Variants in USH1C observed in about 807,000 individuals in gnomAD.
USH1C encodes harmonin.
A neutral mutation model predicts 119.3 loss-of-function variants in USH1C; 90 were observed. The ratio of observed to expected loss-of-function variants is 0.75; its 90% confidence interval spans 0.64 to 0.90. The LOEUF (loss-of-function observed/expected upper bound fraction) is 0.90. Among genes scored for constraint, USH1C ranks in the 40% least tolerant of loss-of-function variants. The probability of loss-of-function intolerance (pLI) is 0.00; values close to 1 mark genes in which losing one functional copy is unlikely to be tolerated. For missense variants in USH1C, 1,165 were observed against 1,167.7 expected (o/e 1.00, Z 0.03); for synonymous variants, 465 against 443.3 (o/e 1.05, Z -0.62).
intron 22 of USH1C, 134 bp from the exon 23 acceptor site, chr11:17,501,284 G>GA (rs1329191831): frequency 9.6e-7 from 1 of 1,040,066 alleles, no homozygotes; most frequent in Non-Finnish European, 1.5e-6. Flanking sequence ...GCCATCTGGA[G>GA]AAAACGCAGC....
chr11:17,539,369 G>T (rs1023631710), intron 1 of USH1C, among the ~76,000 whole-genome samples: 2 of 151,958 alleles, frequency 1.3e-5, no homozygotes, highest in Non-Finnish European at 2.9e-5. Context: ...TCCCCAACTG[G>T]GTCTGCTCCT....
intron 15 of USH1C, chr11:17,514,299 G>A (rs1313324216): frequency 6.6e-6 from 1 of 152,202 alleles, no homozygotes; most frequent in Non-Finnish European, 1.5e-5. Flanking sequence ...GCTCACTGCA[G>A]CCTCTGCCTC....
In USH1C at chr11:17,531,732, C is replaced by G. The variant is rs1413762379; in HGVS notation, c.105-190G>C. ...GACTTTGTTCTCTTATATAAATATC[C>G]CCAGGAAACCAGTCTACTAGGGATT... On this transcript the variant is annotated intron_variant, in intron 2 of 26. Transcript: ENST00000005226. This position sits in a 1 kb window ranked among gnomAD's most constrained non-coding sequence, Gnocchi z 4.2. 6.6e-6 allele frequency among the ~76,000 whole-genome samples: 1 copy of G among 152,150 alleles called. No homozygotes were observed. Among genetic ancestry groups the G allele is most frequent in the Non-Finnish European group, 1.5e-5 (1 of 68,022 alleles).
chr11:17,498,756 G>T (rs919248042), intron 23 of USH1C, among the ~76,000 whole-genome samples: 1 of 152,196 alleles, frequency 6.6e-6, no homozygotes, highest in Non-Finnish European at 1.5e-5. Flanking sequence ...CCGCTCAGTC[G>T]AATGTAGATC....
chr11:17,496,660 T>C, intron 25 of USH1C, 98 bp downstream of exon 25: 1 of 1,492,540 alleles, frequency 6.7e-7, no homozygotes, highest in South Asian at 1.2e-5. Flanking sequence ...GGGCCATTCC[T>C]TCAGGCTGGG....
chr11:17,525,113 T>C (rs1239559533), intron 8 of USH1C, among the ~76,000 whole-genome samples: 1 of 152,046 alleles, frequency 6.6e-6, no homozygotes, highest in Non-Finnish European at 1.5e-5. Context: ...CCTTCCTAGA[T>C]TGGTGGCAGA....
At chr11:17,508,246 G>T (rs1849726372) in intron 18 of USH1C, among the ~76,000 whole-genome samples, 1 of 152,216 alleles carries the variant, frequency 6.6e-6, no homozygotes, top group African/African-American at 2.4e-5. Flanking sequence ...TGTCAAAGCT[G>T]CAGGGCTCAC....
At chr11:17,526,291 G>C (rs1850666309) in intron 8 of USH1C, 56 bp downstream of exon 8, 8 of 1,466,796 alleles carry the variant, frequency 5.5e-6, no homozygotes, top group African/African-American at 2.8e-5. Context: ...GAGGGCAATA[G>C]GGGCCTGCTG....
intron 21 of USH1C, among the ~76,000 whole-genome samples, 173 bp downstream of exon 21, chr11:17,501,766 C>T (rs1291969012): frequency 6.6e-6 from 1 of 152,120 alleles, no homozygotes; most frequent in African/African-American, 2.4e-5. Context: ...CACTGGAGTG[C>T]CCTTTGGAAG....
chr11:17,501,442 A>G, intron 22 of USH1C, 40 bp downstream of exon 22: 1 of 1,603,964 alleles, frequency 6.2e-7, no homozygotes, highest in South Asian at 1.1e-5. Flanking sequence ...GCAGGCACAG[A>G]GAGGGATGGC....
chr11:17,496,706 G>T, intron 25 of USH1C, 52 bp downstream of exon 25: 2 of 1,609,206 alleles, frequency 1.2e-6, no homozygotes, highest in Non-Finnish European at 1.7e-6. Flanking sequence ...AGGTGGCTGA[G>T]ATTCTGGAGA....
chr11:17,498,861 A>G (rs1483813550), intron 23 of USH1C, among the ~76,000 whole-genome samples: 1 of 152,206 alleles, frequency 6.6e-6, no homozygotes, highest in Non-Finnish European at 1.5e-5. Flanking sequence ...GGTCTCTCCC[A>G]CCACACTGTC....
intron 18 of USH1C, among the ~76,000 whole-genome samples, chr11:17,508,196 C>G (rs1441603219): frequency 3.9e-5 from 6 of 152,220 alleles, no homozygotes; most frequent in African/African-American, 1.4e-4. Flanking sequence ...CCTGGCTGGG[C>G]TCTGGGGAAA....
At position 17,526,763 on chromosome 11, in the gene USH1C, G is replaced by C. The variant is rs200319849; in HGVS notation, c.569C>G (p.Ser190Trp). 8 of 1,613,948 alleles carry C rather than the reference G, an allele frequency of 5.0e-6. No individual in the cohort carries two copies. In the Admixed American group the frequency reaches 1.2e-4, roughly 24 times the overall value. ...LTWQYVDQFV[S>W]ESGGVRGSLG... The stretch of plus-strand genomic sequence containing the variant: ...AGGTCTGGCCCTTACCCCAGATTCC[G>C]ACACAAACTGATCCACATACTGCCA... Residue 190 changes from serine (S) to tryptophan (W), a missense_variant, in exon 7 of 27, where the codon TCG (serine) becomes TGG (tryptophan). By Grantham distance (177) the Ser-to-Trp change is radical (BLOSUM62 -3). Coordinates refer to ENST00000005226, the MANE Select transcript of USH1C (RefSeq NM_153676.4).
At chr11:17,533,002 T>A (rs533123984) in intron 2 of USH1C, among the ~76,000 whole-genome samples, 1 of 152,296 alleles carries the variant, frequency 6.6e-6, no homozygotes, top group African/African-American at 2.4e-5. Context: ...GCCTCCTCCA[T>A]CAGACTGTGA....
intron 1 of USH1C, chr11:17,533,798 A>G (rs146675133): frequency 2.2e-6 from 1 of 456,988 alleles, no homozygotes; most frequent in East Asian, 6.9e-5. Flanking sequence ...GCCACTCTCC[A>G]GAAGCCCCTT....
At position 17,510,521 on chromosome 11, in the gene USH1C, C is replaced by G. The variant is rs1381465423; in HGVS notation, c.1414G>C (p.Val472Leu). The stretch of plus-strand genomic sequence containing the variant: ...AGGTCTTCCCGCTCTGTCTCAGACA[C>G]CTGGGACCCAGGATCGGCGCAGAAA... ...QLKINRLAQE[V>L]SETEREDLEE... is the part of the protein sequence containing the mutation. The change falls in exon 17 of 27, where the codon GTG becomes CTG. Residue 472 changes from valine to leucine, a missense_variant and splice_region_variant. Coordinates refer to ENST00000005226, the MANE Select transcript of USH1C (RefSeq NM_153676.4). The G allele has an allele frequency of 1.2e-6, 2 of 1,611,094 alleles. No homozygotes were observed. Among genetic ancestry groups the G allele is most frequent in the South Asian group, 2.2e-5 (2 of 91,024 alleles).
chr11:17,509,986 T>TACTGGAGACCCACACCCTTATG, intron 17 of USH1C, 148 bp from the exon 18 acceptor site: 1 of 1,034,124 alleles, frequency 9.7e-7, no homozygotes, highest in Non-Finnish European at 1.4e-6. Context: ...GCCATTCCTC[T>TACTGGAGACCCACACCCTTATG]GCCACCTGGA....
intron 4 of USH1C, among the ~76,000 whole-genome samples, chr11:17,530,374 C>A (rs1432004988): frequency 6.6e-6 from 1 of 152,206 alleles, no homozygotes; most frequent in Non-Finnish European, 1.5e-5. Context: ...CTGGGCTTGG[C>A]AGTCAGGAGA....
Sources: gnomAD v4.1 joint callset for allele counts (sites outside exome capture counted in the v4.1 genomes callset) on GRCh38, gnomAD v4.1.1 for gene constraint, Gnocchi (gnomAD v3.1) non-coding constraint, MANE v1.5 for transcripts, NCBI Gene and HGNC (gene_info 2026-07-23, HGNC 2026-07-21) for gene names.